The following KCNH7 variants were observed in gnomAD, a reference collection of about 807,000 sequenced individuals.
KCNH7 encodes potassium voltage-gated channel subfamily H member 7.
KCNH7 carries 49 observed loss-of-function variants against 120.8 expected under a neutral mutation model. The ratio of observed to expected loss-of-function variants is 0.41; its 90% CI spans 0.32 to 0.51. KCNH7 has a LOEUF of 0.51. KCNH7 is among the 20% of genes least tolerant of loss of function. KCNH7 has a pLI of 0.38. For synonymous variants in KCNH7, 547 were observed against 516.1 expected (o/e 1.06, Z -0.81); for missense variants, 1,097 against 1,446.6 (o/e 0.76, Z 3.92).
Position 162,765,995 on chromosome 2 carries a change from C to T in KCNH7, c.307+70542G>A, listed in dbSNP as rs527892870. 2.6e-5 allele frequency among the ~76,000 whole-genome samples: 4 copies of T among 152,184 alleles called. No individual in the cohort carries two copies. In the South Asian group the frequency reaches 8.3e-4, roughly 32 times the overall value. ...TGGTCTCAAACCCCTAGCCTAAAGC[C>T]ATCCTCCTGCCTCAGCTTCCTCAGT... On this transcript the variant is annotated intron_variant, in intron 2 of 15. Coordinates refer to ENST00000332142, the MANE Select transcript of KCNH7 (RefSeq NM_033272.4).
At chr2:162,533,626 CCTATGAAATATGAATAT>C (rs1449838411) in intron 3 of KCNH7, among the ~76,000 whole-genome samples, 1 of 151,440 alleles carries the variant, frequency 6.6e-6, no homozygotes, top group Non-Finnish European at 1.5e-5. Context: ...TATATGGCTA[CCTATGAAATATGAATAT>C]CTATGAAATA....
intron 6 of KCNH7, chr2:162,501,994 T>C (rs900931545): frequency 6.6e-6 from 1 of 152,094 alleles, no homozygotes; most frequent in African/African-American, 2.4e-5. Flanking sequence ...TGATGGAAAC[T>C]GTTGCATTTT....
Position 162,403,384 on chromosome 2 carries a change from T to C in KCNH7, c.2155-2943A>G, listed in dbSNP as rs568714552. On this transcript the variant is annotated intron_variant, in intron 9 of 15. Coordinates refer to ENST00000332142, the MANE Select transcript of KCNH7 (RefSeq NM_033272.4). ...CTTGTTTCCTGTTTCTGGCTTGTTA[T>C]ATGTCCTGCAGTATTTGCACTTAGG... Among the ~76,000 whole-genome samples, 3 of 152,106 alleles carry C rather than the reference T, an allele frequency of 2.0e-5. No homozygotes were observed. In the South Asian group the frequency reaches 6.2e-4, roughly 32 times the overall value.
intron 2 of KCNH7, among the ~76,000 whole-genome samples, chr2:162,833,905 C>T (rs1232984114): frequency 6.6e-6 from 1 of 152,064 alleles, no homozygotes; most frequent in Non-Finnish European, 1.5e-5. Context: ...TTAATTTGTT[C>T]ATTGGGCTTA....
At chr2:162,800,696 C>T (rs1439846463) in intron 2 of KCNH7, among the ~76,000 whole-genome samples, 1 of 151,862 alleles carries the variant, frequency 6.6e-6, no homozygotes, top group Non-Finnish European at 1.5e-5. Flanking sequence ...AAAATAAAAA[C>T]TTGTATGGCT....
At chr2:162,562,586 C>T (rs546761133) in intron 2 of KCNH7, among the ~76,000 whole-genome samples, 29 of 152,264 alleles carry the variant, frequency 1.9e-4, no homozygotes, top group African/African-American at 5.5e-4. Flanking sequence ...TTAGCTCAGA[C>T]GACTGAGCAT....
At chr2:162,534,697 A>G (rs935280973) in intron 3 of KCNH7, among the ~76,000 whole-genome samples, 2 of 151,694 alleles carry the variant, frequency 1.3e-5, no homozygotes, top group Non-Finnish European at 3.0e-5. Context: ...ATAATCCTCA[A>G]ACTATTTAAA....
intron 5 of KCNH7, 101 bp from the exon 6 acceptor site, chr2:162,504,758 G>T: frequency 1.3e-6 from 1 of 747,090 alleles, no homozygotes; most frequent in Non-Finnish European, 2.2e-6. Context: ...ATATGATCCT[G>T]ATTTGAGTGT....
intron 2 of KCNH7, among the ~76,000 whole-genome samples, chr2:162,726,505 C>T (rs920961835): frequency 1.3e-5 from 2 of 152,116 alleles, no homozygotes; most frequent in Non-Finnish European, 2.9e-5. Context: ...CTGTAACCCC[C>T]GCCTCCCGGA....
At chr2:162,606,831 A>G (rs997251446) in intron 2 of KCNH7, among the ~76,000 whole-genome samples, 3 of 152,210 alleles carry the variant, frequency 2.0e-5, no homozygotes, top group African/African-American at 7.2e-5. Flanking sequence ...AATAATCAGC[A>G]TCTTAAACAA....
At chr2:162,524,876 G>A (rs1192796761) in intron 3 of KCNH7, among the ~76,000 whole-genome samples, 1 of 151,926 alleles carries the variant, frequency 6.6e-6, no homozygotes, top group Non-Finnish European at 1.5e-5. Flanking sequence ...CGTTGCCTAT[G>A]AGCTGGTAGA....
At position 162,651,441 on chromosome 2, in the gene KCNH7, A is replaced by C. The variant is rs192438960; in HGVS notation, c.308-114361T>G. 3.8e-3 allele frequency among the ~76,000 whole-genome samples: 582 copies of C among 151,488 alleles called. 2 individuals carry two copies. Among genetic ancestry groups the C allele is most frequent in the Middle Eastern group, 0.014 (4 of 294 alleles). On this transcript the variant is annotated intron_variant, in intron 2 of 15. Coordinates refer to ENST00000332142, the MANE Select transcript of KCNH7 (RefSeq NM_033272.4). ...CCTGAGTTCTCATCATTTAGCTCCCACTTATAAGTGAGAACATACGATACC... is the reference window on the plus strand; with the variant it reads ...CCTGAGTTCTCATCATTTAGCTCCCCCTTATAAGTGAGAACATACGATACC...
chr2:162,573,715 T>C (rs1004976287), intron 2 of KCNH7, among the ~76,000 whole-genome samples: 1 of 152,032 alleles, frequency 6.6e-6, no homozygotes, highest in Non-Finnish European at 1.5e-5. Flanking sequence ...ACAAAATTAT[T>C]CTAGGTACTG....
intron 6 of KCNH7, among the ~76,000 whole-genome samples, chr2:162,452,461 T>G (rs1688806017): frequency 6.6e-6 from 1 of 152,108 alleles, no homozygotes; most frequent in Admixed American, 6.6e-5. Flanking sequence ...CTTTGCCTTC[T>G]GCATATCTAG....
At chr2:162,528,368 T>C (rs576813175) in intron 3 of KCNH7, 1 of 152,076 alleles carries the variant, frequency 6.6e-6, no homozygotes, top group East Asian at 2.0e-4. Context: ...AGCAAACAGA[T>C]GTGACCAACG....
At chr2:162,463,322 C>T (rs938585140) in intron 6 of KCNH7, among the ~76,000 whole-genome samples, 15 of 151,760 alleles carry the variant, frequency 9.9e-5, no homozygotes, top group African/African-American at 3.4e-4. Flanking sequence ...TTTTTTTTCT[C>T]CTTCCCTCTC....
At chr2:162,574,385 T>C (rs1173513049) in intron 2 of KCNH7, among the ~76,000 whole-genome samples, 1 of 151,858 alleles carries the variant, frequency 6.6e-6, no homozygotes, top group African/African-American at 2.4e-5. Context: ...AAAGTATTAA[T>C]TTTCTCTTCT....
intron 2 of KCNH7, among the ~76,000 whole-genome samples, chr2:162,744,838 G>A (rs967291081): frequency 2.6e-5 from 4 of 152,148 alleles, no homozygotes; most frequent in African/African-American, 9.7e-5. Flanking sequence ...CTCCCAAAGT[G>A]CTGGGATTAC....
intron 6 of KCNH7, among the ~76,000 whole-genome samples, chr2:162,497,259 A>G (rs953109888): frequency 6.6e-6 from 1 of 152,210 alleles, no homozygotes; most frequent in Non-Finnish European, 1.5e-5. Context: ...AAAGTTCAAT[A>G]TAAGTAAAAG....
Sources: allele counts gnomAD v4.1 joint callset (sites outside exome capture counted in the v4.1 genomes callset), GRCh38; gene constraint gnomAD v4.1.1; transcripts MANE v1.5; gene names NCBI Gene and HGNC (gene_info 2026-07-23, HGNC 2026-07-21).